The following CSTF1 variants were observed in gnomAD, a reference collection of about 807,000 sequenced individuals.
CSTF1 encodes cleavage stimulation factor subunit 1.
A neutral mutation model predicts 40.9 loss-of-function variants in CSTF1; 2 were observed. The ratio of observed to expected loss-of-function variants is 0.05; its 90% CI spans 0.02 to 0.15. The LOEUF (loss-of-function observed/expected upper bound fraction) is 0.15, where lower values mean the gene tolerates loss of function less well. Among genes scored for constraint, CSTF1 ranks in the 10% least tolerant of loss-of-function variants. The pLI is 1.00. For missense variants in CSTF1, 279 were observed against 558.9 expected (o/e 0.50, Z 5.05); for synonymous variants, 218 against 207.2 (o/e 1.05, Z -0.45).
At chr20:56,400,484 G>C (rs1204850604) in intron 5 of CSTF1, among the ~76,000 whole-genome samples, 1 of 152,152 alleles carries the variant, frequency 6.6e-6, no homozygotes, top group African/African-American at 2.4e-5. Context: ...AGTTATAACT[G>C]TTTTAAGGAG....
chr20:56,401,930 A>C (rs1569119617), intron 5 of CSTF1, among the ~76,000 whole-genome samples: 1 of 152,162 alleles, frequency 6.6e-6, no homozygotes, highest in Non-Finnish European at 1.5e-5. Flanking sequence ...GTTTTTATCC[A>C]CTAAGCTGTA....
At chr20:56,398,437 G>A (rs573413440) in intron 4 of CSTF1, among the ~76,000 whole-genome samples, 2 of 152,284 alleles carry the variant, frequency 1.3e-5, no homozygotes, top group South Asian at 4.1e-4. Context: ...GGGCATGGTG[G>A]CACGCGCCGA....
At chr20:56,394,117 C>T (rs534028232) in intron 1 of CSTF1, among the ~76,000 whole-genome samples, 1 of 152,318 alleles carries the variant, frequency 6.6e-6, no homozygotes, top group Admixed American at 6.5e-5. Flanking sequence ...GGATTTTCTA[C>T]TCAAGCATAG....
Position 56,395,729 on chromosome 20 carries a change from G to A in CSTF1, c.169+8G>A, listed in dbSNP as rs777261046. On this transcript the variant is annotated splice_region_variant and intron_variant, in intron 2 of 5. Coordinates refer to ENST00000217109, the MANE Select transcript of CSTF1 (RefSeq NM_001324.3). ...TGCATCTCATCAAACTCGGTAGATT[G>A]TGAACACAAATCCATACGTCCCATG... 2.5e-5 allele frequency: 40 copies of A among 1,612,078 alleles called. No individual in the cohort carries two copies. In the South Asian group the frequency reaches 4.4e-4, roughly 18 times the overall value.
At chr20:56,400,174 TAA>T (rs1339639028) in intron 5 of CSTF1, among the ~76,000 whole-genome samples, 1 of 152,212 alleles carries the variant, frequency 6.6e-6, no homozygotes, top group Non-Finnish European at 1.5e-5. Flanking sequence ...GGATTGTGTT[TAA>T]GTTTGCATTG....
At position 56,404,991 on chromosome 20, in the gene CSTF1, G is replaced by T. The variant is rs1600734608; in HGVS notation, c.*1264G>T. The T allele has an allele frequency of 6.6e-6, 1 of 151,246 alleles. No individual in the cohort carries two copies. The highest frequency in any genetic ancestry group is 2.1e-4 in the South Asian group (1 of 4,790). The allele number at this position is 151,246 out of a possible 1,614,324, so 9.4% of individuals were successfully genotyped here. ...TCCTGAAGCTTTTTAGAACATGACA[G>T]TACTTCTCTGGATTCAGCACTAGCA... is the stretch of plus-strand genomic sequence containing the variant. On this transcript the variant is annotated 3_prime_UTR_variant, in exon 6 of 6. Coordinates refer to ENST00000217109, the MANE Select transcript of CSTF1 (RefSeq NM_001324.3).
intron 1 of CSTF1, 184 bp downstream of exon 1, chr20:56,392,897 C>CGAGGAAATGGAAATGGAA (rs1987317028): frequency 6.6e-6 from 1 of 152,170 alleles, no homozygotes; most frequent in Non-Finnish European, 1.5e-5. Context: ...GCCTCGCTTC[C>CGAGGAAATGGAAATGGAA]ATTCCCACCC....
Position 56,404,836 on chromosome 20 carries a change from TTTGTA to T in CSTF1, c.*1112_*1116del, listed in dbSNP as rs1978638262. 1 of 137,524 alleles carries T rather than the reference TTTGTA, an allele frequency of 7.3e-6. No homozygotes were observed. Among genetic ancestry groups the T allele is most frequent in the Non-Finnish European group, 1.5e-5 (1 of 64,784 alleles). The allele number at this position is 137,524 out of a possible 1,614,324, so 8.5% of individuals were successfully genotyped here. On this transcript the variant is annotated 3_prime_UTR_variant, in exon 6 of 6. Coordinates refer to ENST00000217109, the MANE Select transcript of CSTF1 (RefSeq NM_001324.3). ...AATTTTTTTTTTTTTTTTTTTTTTT[TTTGTA>T]TTTTTAGTAGAGCCAGGGTTTCACC...
Position 56,397,089 on chromosome 20 carries a change from C to G in CSTF1, c.170-118C>G. The G allele has an allele frequency of 8.7e-7, 1 of 1,143,270 alleles. No individual in the cohort carries two copies. Among genetic ancestry groups the G allele is most frequent in the South Asian group, 1.5e-5 (1 of 65,824 alleles). 70.8% of individuals were successfully genotyped at this position (1,143,270 alleles called of 1,614,324 possible). ...TAAAGTGTTAGGTGTCACGCGGCTC[C>G]AAGAAATAGGAGGTTGACACTGGTG... is the stretch of plus-strand genomic sequence containing the variant. On this transcript the variant is annotated intron_variant, in intron 2 of 5. Coordinates refer to ENST00000217109, the MANE Select transcript of CSTF1 (RefSeq NM_001324.3). This position sits in a 1 kb window ranked among gnomAD's most constrained non-coding sequence, Gnocchi z 4.4.
upstream of CSTF1, chr20:56,392,427 C>G (rs1569108044): frequency 6.6e-6 from 1 of 152,352 alleles, no homozygotes; most frequent in African/African-American, 2.4e-5. Flanking sequence ...GTCCCAGCCC[C>G]AGGGTGCTCT....
chr20:56,406,151 G>C lies in CSTF1; in HGVS notation c.*2424G>C, dbSNP rs144086977. 1 of 152,060 alleles carries C rather than the reference G, an allele frequency of 6.6e-6. No homozygotes were observed. The highest frequency in any genetic ancestry group is 1.9e-4 in the East Asian group (1 of 5,184). 9.4% of individuals were successfully genotyped at this position (152,060 alleles called of 1,614,324 possible). ...GTGTTTGTTTGGTTGGTTGGTTTTT[G>C]GTTTTTTTGCTTTTTAAAGGTCACA... is the stretch of plus-strand genomic sequence containing the variant. On this transcript the variant is annotated 3_prime_UTR_variant, in exon 6 of 6. Coordinates refer to ENST00000217109, the MANE Select transcript of CSTF1 (RefSeq NM_001324.3).
intron 2 of CSTF1, 114 bp downstream of exon 2, chr20:56,395,835 A>G: frequency 1.8e-6 from 2 of 1,127,962 alleles, no homozygotes; most frequent in Non-Finnish European, 2.5e-6. Context: ...TGAGCCGGGT[A>G]CTTCAGTAAG....
At chr20:56,400,769 G>A (rs186001183) in intron 5 of CSTF1, among the ~76,000 whole-genome samples, 236 of 152,228 alleles carry the variant, frequency 1.6e-3, no homozygotes, top group South Asian at 5.4e-3. Context: ...GGCCAGGCGC[G>A]GTGGCTCACA....
In CSTF1 at chr20:56,402,684, C is replaced by T. The variant is rs573568446; in HGVS notation, c.1037-784C>T. Among the ~76,000 whole-genome samples the T allele has an allele frequency of 5.9e-5, 9 of 152,238 alleles. No homozygotes were observed. In the South Asian group the frequency reaches 1.7e-3, roughly 28 times the overall value. ...GGGCATGGTGGCTCACACCTGTAAT[C>T]CCAGCACTTTGGGAGGCCGAAGCAG... On this transcript the variant is annotated intron_variant, in intron 5 of 5. Coordinates refer to ENST00000217109, the MANE Select transcript of CSTF1 (RefSeq NM_001324.3).
chr20:56,397,405 T>C lies in CSTF1; in HGVS notation c.368T>C (p.Ile123Thr). 6.2e-7 allele frequency: 1 copy of C among 1,614,184 alleles called. No individual in the cohort carries two copies. The highest frequency in any genetic ancestry group is 8.5e-7 in the Non-Finnish European group (1 of 1,180,032). ...ACCTATAGTAGAGATGGACAGTTAA[T>C]AGCTACTGGGTCTGCTGATGCTTCG... ...VATYSRDGQL[I>T]ATGSADASIK... Residue 123 changes from isoleucine (I) to threonine (T), a missense_variant, in exon 3 of 6, where the codon ATA (isoleucine) becomes ACA (threonine). Ile to Thr is a moderately conservative substitution (Grantham distance 89, BLOSUM62 -1). This residue lies in a region of CSTF1 where 66 missense variants were observed against 148.0 expected (regional missense o/e 0.45). Transcript: ENST00000217109. This position sits in a 1 kb window ranked among gnomAD's most constrained non-coding sequence, Gnocchi z 4.4.
intron 4 of CSTF1, among the ~76,000 whole-genome samples, chr20:56,398,304 C>T (rs779318512): frequency 1.1e-4 from 16 of 152,154 alleles, no homozygotes; most frequent in Admixed American, 3.9e-4. Context: ...TGCAGTGGCT[C>T]ATGTCTGTAA....
intron 5 of CSTF1, among the ~76,000 whole-genome samples, chr20:56,403,083 C>T (rs904210317): frequency 1.3e-5 from 2 of 151,964 alleles, no homozygotes; most frequent in Non-Finnish European, 2.9e-5. Flanking sequence ...ATAGTGGCAA[C>T]AATTTTATAT....
chr20:56,396,292 T>C (rs1213753143), intron 2 of CSTF1, among the ~76,000 whole-genome samples: 1 of 152,226 alleles, frequency 6.6e-6, no homozygotes, highest in African/African-American at 2.4e-5. Context: ...CAATAAAATA[T>C]TGAATTACCA....
Position 56,404,609 on chromosome 20 carries a change from G to A in CSTF1, c.*882G>A, listed in dbSNP as rs1383459764. 1 of 151,600 alleles carries A rather than the reference G, an allele frequency of 6.6e-6. No individual in the cohort carries two copies. The highest frequency in any genetic ancestry group is 2.4e-5 in the African/African-American group (1 of 41,244). 9.4% of individuals were successfully genotyped at this position (151,600 alleles called of 1,614,324 possible). On this transcript the variant is annotated 3_prime_UTR_variant, in exon 6 of 6. Transcript: ENST00000217109. ...GTAACTGCATTCTCAGAAGATTTATGCAGTTAACCAATTGATACAAGTTTT... is the reference window on the plus strand; with the variant it reads ...GTAACTGCATTCTCAGAAGATTTATACAGTTAACCAATTGATACAAGTTTT...
Sources: gnomAD v4.1 joint callset for allele counts (sites outside exome capture counted in the v4.1 genomes callset) on GRCh38, gnomAD v4.1.1 for gene constraint, gnomAD v4.1.1 regional missense constraint, Gnocchi (gnomAD v3.1) non-coding constraint, MANE v1.5 for transcripts, NCBI Gene and HGNC (gene_info 2026-07-23, HGNC 2026-07-21) for gene names.